The following RBFOX1 variants were observed in gnomAD, a reference collection of about 807,000 sequenced individuals.
RBFOX1 encodes the protein RNA binding protein fox-1 homolog 1.
RBFOX1 carries 8 observed loss-of-function variants against 57.7 expected under a neutral mutation model. The ratio of observed to expected loss-of-function variants is 0.14; its 90% CI spans 0.08 to 0.25. The LOEUF (loss-of-function observed/expected upper bound fraction) is 0.25, where lower values mean the gene tolerates loss of function less well. Ranked by LOEUF, RBFOX1 falls within the 10% of genes least tolerant of loss-of-function variation. The pLI is 1.00. For missense variants in RBFOX1, 611 were observed against 548.5 expected (o/e 1.11, Z -1.14); for synonymous variants, 326 against 222.4 (o/e 1.47, Z -4.15).
At chr16:6,822,025 T>C (rs906609017) in intron 3 of RBFOX1, among the ~76,000 whole-genome samples, 1 of 152,126 alleles carries the variant, frequency 6.6e-6, no homozygotes, top group Non-Finnish European at 1.5e-5. Context: ...ATAGGGAGCA[T>C]GGTTGTATAG....
intron 3 of RBFOX1, among the ~76,000 whole-genome samples, chr16:5,638,402 G>C (rs878513): frequency 6.6e-6 from 1 of 152,184 alleles, no homozygotes; most frequent in Middle Eastern, 3.4e-3. Flanking sequence ...GCCCTAGCAG[G>C]GGGAGGGCTT....
chr16:5,380,225 G>A (rs1305812422), intron 1 of RBFOX1, among the ~76,000 whole-genome samples: 1 of 152,212 alleles, frequency 6.6e-6, no homozygotes. Context: ...ACATGCTGGA[G>A]TTTGGCTGCC....
intron 14 of RBFOX1, among the ~76,000 whole-genome samples, chr16:7,678,273 G>T (rs980795249): frequency 9.9e-5 from 15 of 152,146 alleles, no homozygotes; most frequent in African/African-American, 3.1e-4. Context: ...TGTGTTTCAT[G>T]TAAGTTGTTA....
At chr16:6,957,283 C>G (rs1435301714) in intron 3 of RBFOX1, among the ~76,000 whole-genome samples, 1 of 151,860 alleles carries the variant, frequency 6.6e-6, no homozygotes, top group Non-Finnish European at 1.5e-5. Flanking sequence ...AGGTGCCCAC[C>G]ACTGCGCCAG....
chr16:7,588,870 C>A (rs543285333), intron 7 of RBFOX1, among the ~76,000 whole-genome samples: 68 of 152,142 alleles, frequency 4.5e-4, no homozygotes, highest in African/African-American at 1.6e-3. Context: ...GAAAGAAAAC[C>A]CCAGTATTTT....
chr16:6,594,351 A>G (rs1361336712), intron 2 of RBFOX1, among the ~76,000 whole-genome samples: 2 of 152,104 alleles, frequency 1.3e-5, no homozygotes, highest in East Asian at 3.9e-4. Flanking sequence ...ATCCTTACCA[A>G]TGTTATGAGA....
intron 3 of RBFOX1, among the ~76,000 whole-genome samples, chr16:6,657,427 C>G (rs532512433): frequency 1.6e-4 from 24 of 152,130 alleles, no homozygotes; most frequent in African/African-American, 4.8e-4. Context: ...GCCCCTCACC[C>G]CAGCAGAACA....
chr16:5,908,277 TAC>T (rs1567134112), intron 4 of RBFOX1, among the ~76,000 whole-genome samples: 1 of 139,834 alleles, frequency 7.2e-6, no homozygotes, highest in Non-Finnish European at 1.6e-5. Context: ...TATATATACA[TAC>T]ATATATATAC....
intron 1 of RBFOX1, chr16:5,366,746 AG>A (rs2151357486): frequency 3.1e-6 from 1 of 325,788 alleles, no homozygotes; most frequent in African/African-American, 2.2e-5. Context: ...TTCCTGTAAC[AG>A]GTGATATCTG....
At chr16:5,667,538 A>C (rs924259781) in intron 3 of RBFOX1, among the ~76,000 whole-genome samples, 2 of 152,240 alleles carry the variant, frequency 1.3e-5, no homozygotes, top group African/African-American at 4.8e-5. Flanking sequence ...TAGTTCATCA[A>C]CTTAAAAATA....
intron 11 of RBFOX1, among the ~76,000 whole-genome samples, chr16:7,638,401 C>G (rs541644946): frequency 1.5e-5 from 2 of 131,710 alleles, no homozygotes; most frequent in Non-Finnish European, 3.2e-5. Context: ...CCCAAGCCGC[C>G]TTCTTCACTA....
At chr16:5,476,755 G>T (rs1384195646) in intron 2 of RBFOX1, among the ~76,000 whole-genome samples, 1 of 152,176 alleles carries the variant, frequency 6.6e-6, no homozygotes, top group African/African-American at 2.4e-5. Context: ...GTGCCTCTGG[G>T]TTTGTGCAGA....
intron 3 of RBFOX1, among the ~76,000 whole-genome samples, chr16:6,708,492 T>A (rs2063159915): frequency 6.6e-6 from 1 of 152,216 alleles, no homozygotes; most frequent in African/African-American, 2.4e-5. Context: ...TCCTTTAAGA[T>A]ATTTTCATCA....
intron 9 of RBFOX1, among the ~76,000 whole-genome samples, chr16:7,606,857 A>G (rs2095304415): frequency 6.6e-6 from 1 of 152,238 alleles, no homozygotes. Context: ...GACAATTGTT[A>G]GAATATATTG....
intron 2 of RBFOX1, among the ~76,000 whole-genome samples, chr16:6,343,762 A>G (rs2084915544): frequency 6.6e-6 from 1 of 152,328 alleles, no homozygotes; most frequent in African/African-American, 2.4e-5. Flanking sequence ...GATTTGAATC[A>G]GTCGTCTTTC....
At chr16:5,428,378 G>A (rs775610122) in intron 1 of RBFOX1, among the ~76,000 whole-genome samples, 8 of 152,188 alleles carry the variant, frequency 5.3e-5, no homozygotes, top group Non-Finnish European at 1.2e-4. Flanking sequence ...TAAGTAGGAG[G>A]CGTCCCCAAC....
chr16:5,651,040 C>CTTTTTTTTTTTTTTTTTT lies in RBFOX1; in HGVS notation c.318+52092_318+52109dup, dbSNP rs869240597. On this transcript the variant is annotated intron_variant, in intron 3 of 19. Coordinates refer to the RBFOX1 transcript ENST00000641259. The stretch of plus-strand genomic sequence containing the variant: ...TCCTCTGGGAGAACACTACCTCCTT[C>CTTTTTTTTTTTTTTTTTT]TTTTTTTTTTTTTTTTTTTTTTTTT... Among the ~76,000 whole-genome samples the CTTTTTTTTTTTTTTTTTT allele has an allele frequency of 5.1e-4, 29 of 56,894 alleles. 10 individuals carry two copies. Among genetic ancestry groups the CTTTTTTTTTTTTTTTTTT allele is most frequent in the East Asian group, 1.2e-3 (2 of 1,722 alleles). The allele number at this position is 56,894 out of a possible 152,430, so 37.3% of individuals were successfully genotyped here.
chr16:5,254,296 C>T (rs2151084776), intron 1 of RBFOX1, among the ~76,000 whole-genome samples: 1 of 152,256 alleles, frequency 6.6e-6, no homozygotes, highest in Middle Eastern at 3.4e-3. Flanking sequence ...AGTAGTTCTC[C>T]AACAGCAGGA....
chr16:6,283,020 A>T (rs1046043427), intron 1 of RBFOX1, among the ~76,000 whole-genome samples: 7 of 152,164 alleles, frequency 4.6e-5, no homozygotes, highest in Non-Finnish European at 8.8e-5. Context: ...ATGTGCTCCT[A>T]CATCTGACTC....
Sources: allele counts gnomAD v4.1 joint callset (sites outside exome capture counted in the v4.1 genomes callset), GRCh38; gene constraint gnomAD v4.1.1; transcripts MANE v1.5; gene names NCBI Gene and HGNC (gene_info 2026-07-23, HGNC 2026-07-21).